The following PSEN2 variants were observed in gnomAD, a reference collection of about 807,000 sequenced individuals.
The protein encoded by PSEN2 is presenilin 2, also known as presenilin-2.
In PSEN2, 32 loss-of-function variants were observed where a neutral mutation model predicts 49.1. The ratio of observed to expected loss-of-function variants is 0.65; its 90% confidence interval spans 0.49 to 0.88. The LOEUF (loss-of-function observed/expected upper bound fraction) is 0.88, where lower values mean the gene tolerates loss of function less well. PSEN2 is among the 40% of genes least tolerant of loss of function. The pLI, the probability that PSEN2 is intolerant of heterozygous loss-of-function variation, is 0.00. For synonymous variants in PSEN2, 255 were observed against 244.0 expected (o/e 1.05, Z -0.42); for missense variants, 522 against 586.9 (o/e 0.89, Z 1.14).
chr1:226,871,041 G>A (rs930887008), intron 1 of PSEN2: 4 of 152,294 alleles, frequency 2.6e-5, no homozygotes, highest in Non-Finnish European at 5.9e-5. Flanking sequence ...CGGTGCACGT[G>A]GGTCTCTGAG....
At chr1:226,891,605 G>T (rs988194633) in intron 10 of PSEN2, 138 bp from the exon 11 acceptor site, 1 of 842,734 alleles carries the variant, frequency 1.2e-6, no homozygotes. Flanking sequence ...GGGAAGCCCT[G>T]GTGTCAGGTG....
At chr1:226,876,317 T>A (rs1660626322) in intron 3 of PSEN2, among the ~76,000 whole-genome samples, 1 of 152,218 alleles carries the variant, frequency 6.6e-6, no homozygotes, top group African/African-American at 2.4e-5. Context: ...CCAGATGCTC[T>A]GTTTTCCTTC....
chr1:226,875,859 T>C (rs540788825), intron 3 of PSEN2, among the ~76,000 whole-genome samples: 77 of 152,182 alleles, frequency 5.1e-4, no homozygotes, highest in Non-Finnish European at 8.1e-4. Context: ...TTCAGCTGAT[T>C]AATGGGAATG....
chr1:226,888,154 C>T lies in PSEN2; in HGVS notation c.562C>T (p.Leu188Phe). The T allele has an allele frequency of 1.9e-6, 3 of 1,612,106 alleles. No individual in the cohort carries two copies. The highest frequency in any genetic ancestry group is 1.3e-5 in the African/African-American group (1 of 74,966). The change falls in exon 7 of 13, where the codon CTT becomes TTT. Residue 188 changes from leucine to phenylalanine, a missense_variant. By Grantham distance (22) the Leu-to-Phe change is conservative. Transcript: ENST00000366783. ...MLLFLFTYIY[L>F]GEVLKTYNVA... The stretch of plus-strand genomic sequence containing the variant: ...GCTGTTCCTCTTCACCTATATCTAC[C>T]TTGGGTAAGTGACAGATAAGCAGCA...
chr1:226,885,275 G>A (rs1358920538), intron 5 of PSEN2, among the ~76,000 whole-genome samples: 1 of 152,146 alleles, frequency 6.6e-6, no homozygotes, highest in Middle Eastern at 3.2e-3. Context: ...GAAAGCAGCA[G>A]GGAGGTCATC....
chr1:226,889,950 A>C, intron 8 of PSEN2, 85 bp from the exon 9 acceptor site: 1 of 1,074,552 alleles, frequency 9.3e-7, no homozygotes, highest in Non-Finnish European at 1.4e-6. Flanking sequence ...TGAGAGCTCC[A>C]CCCGGGGCTC....
intron 12 of PSEN2, among the ~76,000 whole-genome samples, chr1:226,902,717 G>T (rs1451283242): frequency 6.6e-6 from 1 of 152,216 alleles, no homozygotes; most frequent in Non-Finnish European, 1.5e-5. Flanking sequence ...TGTCCACTGA[G>T]CCAAGGGTCT....
intron 11 of PSEN2, among the ~76,000 whole-genome samples, chr1:226,892,242 G>A (rs1271368421): frequency 2.6e-5 from 4 of 152,182 alleles, no homozygotes; most frequent in African/African-American, 9.7e-5. Context: ...GAGAAAGTCA[G>A]CTGAGGAAGT....
Position 226,895,682 on chromosome 1 carries a change from C to T in PSEN2, c.*103C>T, listed in dbSNP as rs571670427. ...CATATATTTTTAAGACTTTTCTTTC[C>T]TTAAAAAATAAAGTACGTGTTTACT... On this transcript the variant is annotated 3_prime_UTR_variant, in exon 13 of 13. Coordinates refer to ENST00000366783, the MANE Select transcript of PSEN2 (RefSeq NM_000447.3). 23 of 1,381,722 alleles carry T rather than the reference C, an allele frequency of 1.7e-5. No homozygotes were observed. In the Admixed American group the frequency reaches 3.9e-4, roughly 24 times the overall value. The allele number at this position is 1,381,722 out of a possible 1,614,324, so 85.6% of individuals were successfully genotyped here.
rs749301595 is a variant in PSEN2, at chr1:226,885,591, A to G, written c.410A>G (p.Asn137Ser). ...DTPSVGQRLL[N>S]SVLNTLIMIS... ...CCCTCGGTGGGCCAGCGCCTCCTCA[A>G]CTCCGTGCTGAACACCCTCATCATG... Residue 137 changes from asparagine to serine, a missense_variant, in exon 6 of 13, where the codon AAC becomes AGC. Transcript: ENST00000366783. 17 of 1,612,884 alleles carry G rather than the reference A, an allele frequency of 1.1e-5. No individual in the cohort carries two copies. Among genetic ancestry groups the G allele is most frequent in the East Asian group, 2.2e-5 (1 of 44,820 alleles).
At chr1:226,883,975 TGGG>T (rs370626639) in intron 5 of PSEN2, 56 bp downstream of exon 5, 1 of 129,238 alleles carries the variant, frequency 7.7e-6, no homozygotes, top group African/African-American at 6.3e-5. Flanking sequence ...TGCCAGGGGG[TGGG>T]GGGCGCAGCA....
At chr1:226,902,381 T>A (rs1662345823) in intron 12 of PSEN2, among the ~76,000 whole-genome samples, 1 of 151,926 alleles carries the variant, frequency 6.6e-6, no homozygotes, top group Admixed American at 6.6e-5. Flanking sequence ...GACCCCTGAT[T>A]TAGAGGAAGT....
chr1:226,873,998 G>A (rs1660469812), intron 2 of PSEN2, among the ~76,000 whole-genome samples: 1 of 152,132 alleles, frequency 6.6e-6, no homozygotes, highest in South Asian at 2.1e-4. Flanking sequence ...ATGCCCATAT[G>A]TGGGCACTCC....
At chr1:226,886,661 GTAGA>G (rs1661383835) in intron 6 of PSEN2, among the ~76,000 whole-genome samples, 1 of 152,230 alleles carries the variant, frequency 6.6e-6, no homozygotes, top group African/African-American at 2.4e-5. Flanking sequence ...CATGGAGCAG[GTAGA>G]TAGAAGTGCA....
chr1:226,892,758 G>A (rs2855559), intron 11 of PSEN2, among the ~76,000 whole-genome samples: 73,396 of 151,940 alleles, frequency 0.48, 18,211 homozygotes, highest in Middle Eastern at 0.65. Flanking sequence ...CACGGGGCCC[G>A]CAGGACTGGC....
chr1:226,900,905 A>G (rs117570943), downstream of PSEN2, among the ~76,000 whole-genome samples: 1,367 of 152,266 alleles, frequency 9.0e-3, 55 homozygotes, highest in East Asian at 0.12. Flanking sequence ...AAATGAGTTT[A>G]CCTTCAATTC....
At position 226,895,433 on chromosome 1, in the gene PSEN2, C is replaced by G. The variant is rs1312341854; in HGVS notation, c.1201C>G (p.Leu401Val). The G allele has an allele frequency of 6.2e-7, 1 of 1,613,968 alleles. No homozygotes were observed. Among genetic ancestry groups the G allele is most frequent in the Non-Finnish European group, 8.5e-7 (1 of 1,180,020 alleles). The stretch of plus-strand genomic sequence containing the variant: ...CCTCCATGTCCTGCAGGGCTTGTGT[C>G]TGACCCTCCTGCTGCTTGCTGTGTT... Reference protein sequence around the residue: ...CFVAILIGLCLTLLLLAVFKK... With the variant: ...CFVAILIGLCVTLLLLAVFKK... The change falls in exon 13 of 13, where the codon CTG (leucine) becomes GTG (valine). Residue 401 changes from leucine (L) to valine (V), a missense_variant. Coordinates refer to ENST00000366783, the MANE Select transcript of PSEN2 (RefSeq NM_000447.3).
rs1297748257 is a variant in PSEN2, at chr1:226,895,410, T to A, written c.1192-14T>A. On this transcript the variant is annotated splice_polypyrimidine_tract_variant and intron_variant, in intron 12 of 12. Transcript: ENST00000366783. ...AGGGATCACCACGCTCACCCTCCCC[T>A]CCATGTCCTGCAGGGCTTGTGTCTG... 1 of 1,613,892 alleles carries A rather than the reference T, an allele frequency of 6.2e-7. No individual in the cohort carries two copies. The highest frequency in any genetic ancestry group is 8.5e-7 in the Non-Finnish European group (1 of 1,179,920).
intron 9 of PSEN2, chr1:226,890,564 C>T (rs1571964178): frequency 7.1e-6 from 2 of 281,718 alleles, no homozygotes; most frequent in South Asian, 3.8e-5. Context: ...GGAAGGCACA[C>T]GGGATGGCCC....
Sources: allele counts gnomAD v4.1 joint callset (sites outside exome capture counted in the v4.1 genomes callset), GRCh38; gene constraint gnomAD v4.1.1; transcripts MANE v1.5; gene names NCBI Gene and HGNC (gene_info 2026-07-23, HGNC 2026-07-21).